The following RNASEH1 variants were observed in gnomAD, a reference collection of about 807,000 sequenced individuals.
RNASEH1 encodes ribonuclease H1, also known as ribonuclease H type II.
Under a neutral mutation model 34.6 loss-of-function variants are expected in RNASEH1, and 27 were observed. The observed-to-expected ratio is 0.78, with a 90% confidence interval of 0.58 to 1.08. The LOEUF is 1.08. Among genes scored for constraint, RNASEH1 ranks in the 50% least tolerant of loss-of-function variants. RNASEH1 has a pLI of 0.00. For synonymous variants in RNASEH1, 162 were observed against 138.4 expected (o/e 1.17, Z -1.20); for missense variants, 349 against 373.6 (o/e 0.93, Z 0.54).
chr2:3,536,858 G>A (rs1668013638), downstream of RNASEH1: 1 of 152,288 alleles, frequency 6.6e-6, no homozygotes, highest in Non-Finnish European at 1.5e-5. Context: ...TTTCTGCAGA[G>A]GCTCCTTCCT....
chr2:3,553,494 A>G (rs1297070807), intron 2 of RNASEH1, among the ~76,000 whole-genome samples: 1 of 151,614 alleles, frequency 6.6e-6, no homozygotes. Context: ...TGGTTCAAGC[A>G]GTTCTCTGCC....
In RNASEH1 at chr2:3,552,278, T is replaced by C. The variant is rs771404818; in HGVS notation, c.275A>G (p.Glu92Gly). 1 of 1,613,844 alleles carries C rather than the reference T, an allele frequency of 6.2e-7. No homozygotes were observed. Among genetic ancestry groups the C allele is most frequent in the African/African-American group, 1.3e-5 (1 of 75,024 alleles). ...GHENQHGQES[E>G]AKASKRLREP... ...ACGGAGTCGCTTGCTGGCTTTCGCC[T>C]CCGATTCTTGTCCATGTTGATTTTC... The change falls in exon 3 of 8, where the codon GAG (glutamate) becomes GGG (glycine). Residue 92 changes from glutamate (E) to glycine (G), a missense_variant. Coordinates refer to ENST00000315212, the MANE Select transcript of RNASEH1 (RefSeq NM_002936.6).
the RNASEH1 span, chr2:3,533,139 T>C: frequency 6.6e-6 from 1 of 152,240 alleles, no homozygotes; most frequent in Non-Finnish European, 1.5e-5. Context: ...CCAACAAACA[T>C]CTTGCAAGCA....
intron 2 of RNASEH1, among the ~76,000 whole-genome samples, 156 bp downstream of exon 2, chr2:3,556,633 G>C (rs1474636092): frequency 6.6e-6 from 1 of 152,166 alleles, no homozygotes; most frequent in Non-Finnish European, 1.5e-5. Flanking sequence ...ACCACTATTT[G>C]TAACTGCTTT....
intron 6 of RNASEH1, 49 bp downstream of exon 6, chr2:3,548,590 TC>T (rs1057330318): frequency 7.9e-7 from 1 of 1,273,056 alleles, no homozygotes; most frequent in African/African-American, 1.5e-5. Flanking sequence ...CCTACCAATT[TC>T]CCTTCACAGT....
At chr2:3,556,192 T>C (rs1465954099) in intron 2 of RNASEH1, among the ~76,000 whole-genome samples, 3 of 151,458 alleles carry the variant, frequency 2.0e-5, no homozygotes, top group Non-Finnish European at 4.4e-5. Context: ...AAAGAAGAAA[T>C]TCAGATTGTG....
At chr2:3,552,700 A>G (rs1165908250) in intron 2 of RNASEH1, among the ~76,000 whole-genome samples, 4 of 151,822 alleles carry the variant, frequency 2.6e-5, no homozygotes, top group Non-Finnish European at 5.9e-5. Context: ...AATTGTGTAT[A>G]TAACATCAGT....
intron 2 of RNASEH1, among the ~76,000 whole-genome samples, chr2:3,552,739 T>G (rs1660097397): frequency 2.6e-5 from 4 of 152,060 alleles, no homozygotes; most frequent in Admixed American, 2.6e-4. Context: ...GGTGTGTGCC[T>G]ATAGTTCCAG....
the RNASEH1 span, among the ~76,000 whole-genome samples, chr2:3,532,919 A>C: frequency 6.6e-6 from 1 of 152,218 alleles, no homozygotes; most frequent in African/African-American, 2.4e-5. Flanking sequence ...TCTCCCGCGC[A>C]GACAGGACTG....
chr2:3,548,595 T>G, intron 6 of RNASEH1, 45 bp downstream of exon 6: 1 of 1,335,582 alleles, frequency 7.5e-7, no homozygotes, highest in South Asian at 1.2e-5. Flanking sequence ...CAATTTCCCT[T>G]CACAGTTACT....
chr2:3,538,275 C>T (rs1287834967), downstream of RNASEH1, among the ~76,000 whole-genome samples: 1 of 151,748 alleles, frequency 6.6e-6, no homozygotes, highest in East Asian at 1.9e-4. Flanking sequence ...TTGTTTGAAC[C>T]CAGGACGCAG....
rs374169440 is a variant in RNASEH1, at chr2:3,552,214, C to G, written c.339G>C (p.Pro113=). 4.2e-5 allele frequency: 68 copies of G among 1,613,306 alleles called. No individual in the cohort carries two copies. The highest frequency in any genetic ancestry group is 2.5e-4 in the Admixed American group (15 of 59,992). Residue 113 remains proline, a synonymous_variant, in exon 3 of 8, where the codon CCG becomes CCC. Transcript: ENST00000315212. ...LDGDGHESAE[P]YAKHMKPSVE... ...CGCTCGGCTTCATGTGCTTTGCATA[C>G]GGCTCTGCGCTTTCATGTCCATCTC...
intron 6 of RNASEH1, 123 bp downstream of exon 6, chr2:3,548,517 G>A (rs1360169838): frequency 4.0e-5 from 25 of 632,392 alleles, no homozygotes; most frequent in South Asian, 1.9e-4. Flanking sequence ...CTCTTTGCTC[G>A]GTACCTGACA....
chr2:3,532,925 G>T, the RNASEH1 span, among the ~76,000 whole-genome samples: 1 of 152,340 alleles, frequency 6.6e-6, no homozygotes, highest in African/African-American at 2.4e-5. Context: ...GCGCAGACAG[G>T]ACTGATGGAG....
chr2:3,532,204 C>G, the RNASEH1 span: 3 of 698,750 alleles, frequency 4.3e-6, no homozygotes, highest in African/African-American at 1.7e-5. Context: ...AGCACCTGGT[C>G]GCAGCACTTT....
chr2:3,550,908 T>G (rs914032341), intron 3 of RNASEH1, among the ~76,000 whole-genome samples: 3 of 152,244 alleles, frequency 2.0e-5, no homozygotes, highest in African/African-American at 7.2e-5. Flanking sequence ...GCTGGTCTAA[T>G]TTCTTCCCTG....
At chr2:3,547,534 C>T (rs1668874199) in intron 7 of RNASEH1, among the ~76,000 whole-genome samples, 1 of 150,858 alleles carries the variant, frequency 6.6e-6, no homozygotes, top group Non-Finnish European at 1.5e-5. Flanking sequence ...GTTGCTCAGG[C>T]TGGAGTGCAG....
downstream of RNASEH1, among the ~76,000 whole-genome samples, chr2:3,537,654 G>C (rs995260622): frequency 6.6e-6 from 1 of 152,014 alleles, no homozygotes; most frequent in African/African-American, 2.4e-5. Flanking sequence ...TCAGGAGGTG[G>C]AGGCTGCAGT....
At chr2:3,552,059 TC>T in intron 3 of RNASEH1, 84 bp downstream of exon 3, 1 of 1,077,150 alleles carries the variant, frequency 9.3e-7, no homozygotes, top group Non-Finnish European at 1.3e-6. Flanking sequence ...CAGCTCAAAC[TC>T]CCCCCATCAA....
Sources: gnomAD v4.1 joint callset for allele counts (sites outside exome capture counted in the v4.1 genomes callset) on GRCh38, gnomAD v4.1.1 for gene constraint, MANE v1.5 for transcripts, NCBI Gene and HGNC (gene_info 2026-07-23, HGNC 2026-07-21) for gene names.